The following CSNK2A2IP variants were observed in gnomAD, a reference collection of about 807,000 sequenced individuals.
CSNK2A2IP encodes the protein casein kinase II subunit alpha'-interacting protein.
At chr3:88,346,650 A>G in the CSNK2A2IP span, among the ~76,000 whole-genome samples, 1 of 152,030 alleles carries the variant, frequency 6.6e-6, no homozygotes, top group East Asian at 1.9e-4. Context: ...TGAGAACTAC[A>G]GCTCAGAAAA....
At chr3:88,339,833 C>T in the CSNK2A2IP span, among the ~76,000 whole-genome samples, 66,517 of 151,776 alleles carry the variant, frequency 0.44, 15,826 homozygotes, top group South Asian at 0.62. Context: ...GGGTGAGAAC[C>T]TATGGTTGTG....
At chr3:88,425,191 C>T in the CSNK2A2IP span, among the ~76,000 whole-genome samples, 2 of 151,850 alleles carry the variant, frequency 1.3e-5, no homozygotes, top group African/African-American at 4.8e-5. Flanking sequence ...TAGAGAAGAG[C>T]AACAACTATA....
At chr3:88,408,137 C>T in the CSNK2A2IP span, among the ~76,000 whole-genome samples, 1 of 152,136 alleles carries the variant, frequency 6.6e-6, no homozygotes, top group Non-Finnish European at 1.5e-5. Context: ...TTATTAAGGG[C>T]AAATTGCCCA....
the CSNK2A2IP span, among the ~76,000 whole-genome samples, chr3:88,404,640 T>C: frequency 7.3e-5 from 9 of 123,010 alleles, 1 homozygote; most frequent in Non-Finnish European, 1.3e-4. Context: ...CCTATTATTA[T>C]CCATACAACT....
At chr3:88,433,002 G>C in the CSNK2A2IP span, among the ~76,000 whole-genome samples, 54,546 of 151,512 alleles carry the variant, frequency 0.36, 11,074 homozygotes, top group Non-Finnish European at 0.47. Flanking sequence ...CAAATATCAG[G>C]CTGTATGTAT....
the CSNK2A2IP span, among the ~76,000 whole-genome samples, chr3:88,351,010 C>G: frequency 6.9e-3 from 1,053 of 152,254 alleles, 15 homozygotes; most frequent in African/African-American, 0.024. Context: ...CTTTTTCCTG[C>G]TAATCCTCAA....
At chr3:88,380,667 C>T in the CSNK2A2IP span, among the ~76,000 whole-genome samples, 1 of 151,578 alleles carries the variant, frequency 6.6e-6, no homozygotes, top group Admixed American at 6.6e-5. Flanking sequence ...TGGAATTGCC[C>T]CATGTAAAAC....
the CSNK2A2IP span, among the ~76,000 whole-genome samples, chr3:88,432,237 G>A: frequency 2.6e-5 from 4 of 151,660 alleles, no homozygotes; most frequent in Non-Finnish European, 5.9e-5. Context: ...TTTAATGAAA[G>A]GAATGTTTTA....
At chr3:88,433,895 C>A in the CSNK2A2IP span, among the ~76,000 whole-genome samples, 1 of 152,130 alleles carries the variant, frequency 6.6e-6, no homozygotes, top group Non-Finnish European at 1.5e-5. Flanking sequence ...CTCTCCAGTT[C>A]CTATGGATTA....
At chr3:88,352,096 T>A in the CSNK2A2IP span, among the ~76,000 whole-genome samples, 3 of 152,214 alleles carry the variant, frequency 2.0e-5, no homozygotes, top group Admixed American at 6.5e-5. Context: ...ATTAAATATA[T>A]GCTAATTTTT....
the CSNK2A2IP span, among the ~76,000 whole-genome samples, chr3:88,350,966 G>A: frequency 6.6e-6 from 1 of 152,088 alleles, no homozygotes; most frequent in Non-Finnish European, 1.5e-5. Flanking sequence ...TTTTCTGTCA[G>A]GCAGAAGAGC....
the CSNK2A2IP span, among the ~76,000 whole-genome samples, chr3:88,408,755 C>G: frequency 2.0e-5 from 3 of 151,994 alleles, no homozygotes; most frequent in African/African-American, 7.3e-5. Flanking sequence ...AACCTCTATT[C>G]CATTATTAAA....
chr3:88,383,825 C>T, the CSNK2A2IP span, among the ~76,000 whole-genome samples: 62 of 151,766 alleles, frequency 4.1e-4, no homozygotes, highest in African/African-American at 1.5e-3. Flanking sequence ...CACCACGCCC[C>T]GCTAATTTTT....
chr3:88,461,363 C>G, the CSNK2A2IP span, among the ~76,000 whole-genome samples: 1 of 152,020 alleles, frequency 6.6e-6, no homozygotes, highest in African/African-American at 2.4e-5. Context: ...ACCATTCTGG[C>G]TAACACGGTG....
chr3:88,367,447 T>A, the CSNK2A2IP span, among the ~76,000 whole-genome samples: 1 of 152,080 alleles, frequency 6.6e-6, no homozygotes, highest in African/African-American at 2.4e-5. Flanking sequence ...CACATGATGT[T>A]TTATTTTTCA....
chr3:88,442,542 A>G, the CSNK2A2IP span, among the ~76,000 whole-genome samples: 2,069 of 152,222 alleles, frequency 0.014, 39 homozygotes, highest in African/African-American at 0.048. Flanking sequence ...AATAAGAATA[A>G]TAATTTACTG....
At chr3:88,424,670 T>G in the CSNK2A2IP span, among the ~76,000 whole-genome samples, 208 of 152,300 alleles carry the variant, frequency 1.4e-3, 6 homozygotes, top group East Asian at 0.034. Context: ...AATTCAGCTC[T>G]TGTTAGTGAA....
At chr3:88,412,901 C>T in the CSNK2A2IP span, among the ~76,000 whole-genome samples, 1 of 151,894 alleles carries the variant, frequency 6.6e-6, no homozygotes, top group Non-Finnish European at 1.5e-5. Flanking sequence ...ATATGCAGTC[C>T]ATTGTTGCCT....
At chr3:88,441,992 A>T in the CSNK2A2IP span, among the ~76,000 whole-genome samples, 1 of 149,070 alleles carries the variant, frequency 6.7e-6, no homozygotes, top group Non-Finnish European at 1.5e-5. Flanking sequence ...GGGAGGTTTT[A>T]AAAAAATTTT....
Sources: gnomAD v4.1 joint callset for allele counts (sites outside exome capture counted in the v4.1 genomes callset) on GRCh38, gnomAD v4.1.1 for gene constraint, MANE v1.5 for transcripts, NCBI Gene and HGNC (gene_info 2026-07-23, HGNC 2026-07-21) for gene names.